The following FOXRED2 variants were observed in gnomAD, a reference collection of about 807,000 sequenced individuals.
The protein encoded by FOXRED2 is FAD-dependent oxidoreductase domain-containing protein 2.
A neutral mutation model predicts 52.5 loss-of-function variants in FOXRED2; 32 were observed. That is an observed-to-expected ratio of 0.61 (90% CI 0.46 to 0.82). FOXRED2 has a LOEUF of 0.82. Ranked by LOEUF, FOXRED2 falls within the 40% of genes least tolerant of loss-of-function variation. The probability of loss-of-function intolerance (pLI) is 0.00; values close to 1 mark genes in which losing one functional copy is unlikely to be tolerated. For missense variants in FOXRED2, 848 were observed against 937.5 expected (o/e 0.90, Z 1.25); for synonymous variants, 405 against 398.1 (o/e 1.02, Z -0.21).
chr22:36,496,438 C>G (rs1489153964), intron 6 of FOXRED2, among the ~76,000 whole-genome samples: 1 of 151,540 alleles, frequency 6.6e-6, no homozygotes, highest in Admixed American at 6.6e-5. Flanking sequence ...GAAAGAGTGT[C>G]CCAGGCAGAG....
intron 7 of FOXRED2, among the ~76,000 whole-genome samples, chr22:36,494,719 A>G (rs1188434661): frequency 1.3e-5 from 2 of 151,638 alleles, no homozygotes; most frequent in Non-Finnish European, 2.9e-5. Flanking sequence ...GGCTCACTGC[A>G]GCCTCTGCCT....
intron 8 of FOXRED2, 53 bp from the exon 9 acceptor site, chr22:36,490,320 G>C: frequency 2.0e-6 from 3 of 1,524,640 alleles, no homozygotes; most frequent in Non-Finnish European, 2.6e-6. Flanking sequence ...TGTGGGGAGG[G>C]GTGCAGAAAG....
In FOXRED2 at chr22:36,493,720, CTGTT is replaced by C. The variant is rs1568987089; in HGVS notation, c.1704_1707del (p.Asp570GlyfsTer11). 6.2e-7 allele frequency: 1 copy of C among 1,614,228 alleles called. No homozygotes were observed. Among genetic ancestry groups the C allele is most frequent in the Non-Finnish European group, 8.5e-7 (1 of 1,180,018 alleles). On this transcript the variant is annotated frameshift_variant, in exon 8 of 9. Coordinates refer to ENST00000397224, the MANE Select transcript of FOXRED2 (RefSeq NM_001102371.2). LOFTEE classifies it high-confidence loss of function. Reference sequence around the variant, plus strand: ...ATGTGCCCGATCGGGGCAGTCCAGTCTGTTAAGAAGTCTTCCACGATGTGATGGA... The same window carrying C: ...ATGTGCCCGATCGGGGCAGTCCAGTCAAGAAGTCTTCCACGATGTGATGGA...
chr22:36,493,543 T>C, intron 8 of FOXRED2, 90 bp downstream of exon 8: 2 of 1,120,332 alleles, frequency 1.8e-6, no homozygotes, highest in Non-Finnish European at 2.6e-6. Context: ...TTTCCAGATA[T>C]GGGTCCTGAA....
intron 8 of FOXRED2, 82 bp from the exon 9 acceptor site, chr22:36,490,349 G>A: frequency 6.9e-7 from 1 of 1,446,694 alleles, no homozygotes; most frequent in East Asian, 2.3e-5. Flanking sequence ...CCAATGCCAG[G>A]TGTGGGGGCT....
At chr22:36,501,668 C>G (rs1385899955) in intron 4 of FOXRED2, among the ~76,000 whole-genome samples, 1 of 152,100 alleles carries the variant, frequency 6.6e-6, no homozygotes, top group Non-Finnish European at 1.5e-5. Flanking sequence ...ACCACGTTAG[C>G]CAGCCTGGTC....
At chr22:36,497,949 A>C (rs1478355098) in intron 6 of FOXRED2, 42 bp downstream of exon 6, 1 of 1,590,868 alleles carries the variant, frequency 6.3e-7, no homozygotes, top group South Asian at 1.1e-5. Flanking sequence ...GCACGTCGGG[A>C]AAGCTGGGCC....
At chr22:36,495,285 A>G (rs547189842) in intron 7 of FOXRED2, among the ~76,000 whole-genome samples, 27 of 152,268 alleles carry the variant, frequency 1.8e-4, no homozygotes, top group African/African-American at 6.0e-4. Context: ...TACTGACCAC[A>G]GACCTGCACC....
chr22:36,493,918 C>T (rs1028848172), intron 7 of FOXRED2, 115 bp from the exon 8 acceptor site: 30 of 889,030 alleles, frequency 3.4e-5, no homozygotes, highest in Middle Eastern at 7.0e-4. Flanking sequence ...CACTCGTGCT[C>T]GGCTTTCCCG....
At chr22:36,504,885 A>G in intron 2 of FOXRED2, 119 bp from the exon 3 acceptor site, 1 of 983,658 alleles carries the variant, frequency 1.0e-6, no homozygotes, top group Non-Finnish European at 1.5e-6. Context: ...CCCCTAAAAG[A>G]AAATAGGACA....
At chr22:36,500,102 C>T (rs1934006048) in intron 5 of FOXRED2, among the ~76,000 whole-genome samples, 1 of 152,150 alleles carries the variant, frequency 6.6e-6, no homozygotes, top group Non-Finnish European at 1.5e-5. Context: ...TGCCTGGCCA[C>T]ATCTAACATT....
Position 36,489,855 on chromosome 22 carries a change from C to T in FOXRED2, c.*153G>A. ...TCCCCGACTTTCAGCCCTCACGTGC[C>T]ATCTGGTGGCTTTGCTGCAGACACT... On this transcript the variant is annotated 3_prime_UTR_variant, in exon 9 of 9. Coordinates refer to ENST00000397224, the MANE Select transcript of FOXRED2 (RefSeq NM_001102371.2). The T allele has an allele frequency of 1.4e-6, 1 of 717,516 alleles. No homozygotes were observed. Among genetic ancestry groups the T allele is most frequent in the Non-Finnish European group, 2.1e-6 (1 of 474,894 alleles). The allele number at this position is 717,516 out of a possible 1,614,324, so 44.4% of individuals were successfully genotyped here. A position where few individuals can be genotyped will look rare whatever the true frequency, so the allele number is the denominator to read the frequency against.
At chr22:36,496,271 G>T in intron 6 of FOXRED2, 63 bp from the exon 7 acceptor site, 1 of 1,597,490 alleles carries the variant, frequency 6.3e-7, no homozygotes, top group South Asian at 1.1e-5. Flanking sequence ...GGTGCAGCCC[G>T]GGGGTGAGCA....
At position 36,487,995 on chromosome 22, in the gene FOXRED2, G is replaced by A. The variant is rs1476026027; in HGVS notation, c.*2013C>T. Reference sequence around the variant, plus strand: ...TAATCCCAGCTACTTGGGAGGTTGAGGGAAGAGAATTGTTTAGACCCGGGA... The same window carrying A: ...TAATCCCAGCTACTTGGGAGGTTGAAGGAAGAGAATTGTTTAGACCCGGGA... On this transcript the variant is annotated 3_prime_UTR_variant, in exon 9 of 9. Transcript: ENST00000397224. The A allele has an allele frequency of 1.3e-5, 2 of 151,936 alleles. No individual in the cohort carries two copies. The highest frequency in any genetic ancestry group is 1.3e-4 in the Admixed American group (2 of 15,240). 9.4% of individuals were successfully genotyped at this position (151,936 alleles called of 1,614,324 possible).
intron 4 of FOXRED2, among the ~76,000 whole-genome samples, chr22:36,502,167 T>A (rs192289708): frequency 7.2e-6 from 1 of 138,530 alleles, no homozygotes; most frequent in East Asian, 2.1e-4. Flanking sequence ...AGACTCTGTC[T>A]CAAACAAACA....
rs779383770 is a variant in FOXRED2, at chr22:36,501,343, C to T, written c.1114G>A (p.Glu372Lys). The T allele has an allele frequency of 8.1e-6, 13 of 1,614,098 alleles. No homozygotes were observed. The highest frequency in any genetic ancestry group is 2.2e-5 in the East Asian group (1 of 44,880). The change falls in exon 5 of 9, where the codon GAA becomes AAA. Residue 372 changes from glutamate to lysine, a missense_variant. Transcript: ENST00000397224. ...KKYPLIRASYESKGSRGLFIL... is the reference protein window; with the variant it reads ...KKYPLIRASYKSKGSRGLFIL... ...AACAGACCCCGGCTTCCTTTGGATTCGTAGCTAGCTCGAATCAGCGGGTAC... is the reference window on the plus strand; with the variant it reads ...AACAGACCCCGGCTTCCTTTGGATTTGTAGCTAGCTCGAATCAGCGGGTAC...
intron 8 of FOXRED2, among the ~76,000 whole-genome samples, chr22:36,492,337 C>G (rs1189104003): frequency 1.3e-5 from 2 of 152,210 alleles, no homozygotes; most frequent in East Asian, 3.9e-4. Flanking sequence ...TGCCACTATG[C>G]CAGCTGGCCG....
At chr22:36,493,264 C>A (rs936011823) in intron 8 of FOXRED2, among the ~76,000 whole-genome samples, 16 of 152,160 alleles carry the variant, frequency 1.1e-4, no homozygotes, top group African/African-American at 3.9e-4. Context: ...ATGGTGAAAC[C>A]CCATCTCTAC....
intron 5 of FOXRED2, among the ~76,000 whole-genome samples, chr22:36,499,575 G>A (rs1406662599): frequency 1.3e-5 from 2 of 152,158 alleles, no homozygotes; most frequent in African/African-American, 4.8e-5. Flanking sequence ...GCAGTGAGCC[G>A]AGATGGCGCC....
Sources: gnomAD v4.1 joint callset for allele counts (sites outside exome capture counted in the v4.1 genomes callset) on GRCh38, gnomAD v4.1.1 for gene constraint, MANE v1.5 for transcripts, NCBI Gene and HGNC (gene_info 2026-07-23, HGNC 2026-07-21) for gene names.